The following ZNF469 variants were observed in gnomAD, a reference collection of about 807,000 sequenced individuals.
ZNF469 encodes zinc finger protein 469.
Under a neutral mutation model 1.0 loss-of-function variants are expected in ZNF469, and 1 was observed. The observed-to-expected ratio is 1.00, with a 90% confidence interval of 0.35 to 4.73. The LOEUF is 4.73. ZNF469 is among the 30% of genes most tolerant of loss of function. ZNF469 has a pLI of 0.16. For synonymous variants in ZNF469, 2,703 were observed against 2,363.4 expected (o/e 1.14, Z -4.17); for missense variants, 6,100 against 5,356.3 (o/e 1.14, Z -4.33).
the ZNF469 span, among the ~76,000 whole-genome samples, chr16:88,132,095 C>T: frequency 2.0e-5 from 3 of 152,260 alleles, no homozygotes; most frequent in Non-Finnish European, 2.9e-5. Flanking sequence ...CGTGGCCACT[C>T]TCCTCTCCAT....
At chr16:88,215,385 T>C in the ZNF469 span, among the ~76,000 whole-genome samples, 1 of 126,116 alleles carries the variant, frequency 7.9e-6, no homozygotes, top group Non-Finnish European at 1.6e-5. Flanking sequence ...GCCTTTTAAT[T>C]TTTTTTTTTT....
the ZNF469 span, among the ~76,000 whole-genome samples, chr16:88,246,771 CAGTG>C: frequency 1.0e-4 from 15 of 150,052 alleles, no homozygotes; most frequent in African/African-American, 2.7e-4. Flanking sequence ...GTGAGTGAAT[CAGTG>C]AGTGAGTGAG....
intron 1 of ZNF469, among the ~76,000 whole-genome samples, chr16:88,422,829 TGATG>T (rs1905530390): frequency 7.8e-6 from 1 of 128,378 alleles, no homozygotes; most frequent in Admixed American, 7.6e-5. Context: ...GGTGGGTGGG[TGATG>T]GATGGGTGGA....
the ZNF469 span, among the ~76,000 whole-genome samples, chr16:88,216,874 T>C: frequency 2.0e-5 from 3 of 152,140 alleles, no homozygotes; most frequent in Admixed American, 6.5e-5. Flanking sequence ...TTAAACTGTT[T>C]TCCAGTTTAC....
intron 1 of ZNF469, among the ~76,000 whole-genome samples, chr16:88,399,862 C>G (rs1270427565): frequency 6.6e-6 from 1 of 152,250 alleles, no homozygotes; most frequent in Non-Finnish European, 1.5e-5. Flanking sequence ...GCCCCTCTGC[C>G]AGGTGCTCCT....
In ZNF469 at chr16:88,430,277, C is replaced by G; in HGVS notation, c.2807C>G (p.Ala936Gly). ...TRSLGLAPTE[A>G]DAPSQGRQQR... ...TCCCTGGGTCTGGCCCCCACCGAGG[C>G]GGATGCGCCCAGCCAGGGCAGGCAG... Residue 936 changes from alanine to glycine, a missense_variant, in exon 3 of 3, where the codon GCG becomes GGG. Transcript: ENST00000565624. The G allele has an allele frequency of 6.6e-7, 1 of 1,514,672 alleles. No individual in the cohort carries two copies. The allele number at this position is 1,514,672 out of a possible 1,614,324, so 93.8% of individuals were successfully genotyped here.
the ZNF469 span, chr16:88,294,826 G>C: frequency 6.6e-6 from 1 of 152,482 alleles, no homozygotes; most frequent in African/African-American, 2.4e-5. Flanking sequence ...AGAGAAGACC[G>C]GGATGAGTTT....
At chr16:88,230,986 GGCTGGAACT>G in the ZNF469 span, among the ~76,000 whole-genome samples, 1 of 152,106 alleles carries the variant, frequency 6.6e-6, no homozygotes, top group Non-Finnish European at 1.5e-5. Context: ...CAGGACACAC[GGCTGGAACT>G]CTAAAAGTCC....
chr16:88,345,620 G>A, the ZNF469 span, among the ~76,000 whole-genome samples: 562 of 152,246 alleles, frequency 3.7e-3, 2 homozygotes, highest in Non-Finnish European at 6.7e-3. Context: ...CCCTCTGCCC[G>A]TGGGGTCGCC....
At chr16:88,376,555 C>T in the ZNF469 span, among the ~76,000 whole-genome samples, 1 of 152,372 alleles carries the variant, frequency 6.6e-6, no homozygotes, top group Non-Finnish European at 1.5e-5. Flanking sequence ...CAGCCGCTGG[C>T]TGGGGTTCCC....
chr16:88,202,523 A>G, the ZNF469 span, among the ~76,000 whole-genome samples: 1 of 152,228 alleles, frequency 6.6e-6, no homozygotes, highest in East Asian at 1.9e-4. Flanking sequence ...TCTCTTATCC[A>G]TCATCATTCT....
chr16:88,380,352 T>C (rs1362073673), upstream of ZNF469, among the ~76,000 whole-genome samples: 767 of 61,166 alleles, frequency 0.013, 33 homozygotes, highest in Middle Eastern at 0.028. Flanking sequence ...CTCACACACA[T>C]GCGCTCACAC....
chr16:88,405,978 A>C (rs1017348291), intron 1 of ZNF469, among the ~76,000 whole-genome samples: 2 of 152,212 alleles, frequency 1.3e-5, no homozygotes, highest in Admixed American at 6.5e-5. Flanking sequence ...AACGTGGCTG[A>C]ATTGCTTTTG....
rs1906477338 is a variant in ZNF469, at chr16:88,435,106, C to G, written c.7636C>G (p.Pro2546Ala). The G allele has an allele frequency of 1.9e-6, 3 of 1,550,340 alleles. No individual in the cohort carries two copies. The highest frequency in any genetic ancestry group is 8.7e-7 in the Non-Finnish European group (1 of 1,146,968). ...GAGACCAAATCACTCACGGGGAGAC[C>G]CCAGCCACGTCACCCAGCCACCGCC... The part of the protein sequence containing the change: ...KERPNHSRGD[P>A]SHVTQPPPAQ... The change falls in exon 3 of 3, where the codon CCC becomes GCC. Residue 2546 changes from proline to alanine, a missense_variant. By Grantham distance (27) the Pro-to-Ala change is conservative. Coordinates refer to ENST00000565624, the MANE Select transcript of ZNF469 (RefSeq NM_001367624.2).
chr16:88,409,873 G>T (rs1385049289), intron 1 of ZNF469, among the ~76,000 whole-genome samples: 3 of 149,678 alleles, frequency 2.0e-5, no homozygotes, highest in African/African-American at 7.5e-5. Flanking sequence ...GGCCGGGGGG[G>T]GGGGGGGGGG....
At chr16:88,225,824 G>C in the ZNF469 span, among the ~76,000 whole-genome samples, 35 of 152,216 alleles carry the variant, frequency 2.3e-4, no homozygotes, top group Non-Finnish European at 4.7e-4. Flanking sequence ...TCCAGCTCCA[G>C]AGCTGCCAGC....
chr16:88,233,621 C>T, the ZNF469 span, among the ~76,000 whole-genome samples: 1,318 of 152,324 alleles, frequency 8.7e-3, 11 homozygotes, highest in South Asian at 0.03. Flanking sequence ...GGCTTAGGGC[C>T]GCCTGGGCAT....
chr16:88,428,503 C>T lies in ZNF469; in HGVS notation c.1033C>T (p.Leu345=), dbSNP rs1379570815. ...LPCYQGQPGG[L]NRHSDLSGAL... Reference sequence around the variant, plus strand: ...CTGCTACCAGGGCCAGCCAGGTGGCCTGAACCGCCACAGCGACCTCAGTGG... The same window carrying T: ...CTGCTACCAGGGCCAGCCAGGTGGCTTGAACCGCCACAGCGACCTCAGTGG... Residue 345 remains leucine, a synonymous_variant, in exon 3 of 3, where the codon CTG becomes TTG. Coordinates refer to ENST00000565624, the MANE Select transcript of ZNF469 (RefSeq NM_001367624.2). 24 of 1,549,702 alleles carry T rather than the reference C, an allele frequency of 1.5e-5. No individual in the cohort carries two copies. In the South Asian group the frequency reaches 2.9e-4, roughly 18 times the overall value.
chr16:88,249,423 C>CTTTTTTT, the ZNF469 span, among the ~76,000 whole-genome samples: 573 of 61,478 alleles, frequency 9.3e-3, 19 homozygotes, highest in East Asian at 0.013. Context: ...CTTTCTTTTT[C>CTTTTTTT]TTTTTCTTTT....
Sources: allele counts gnomAD v4.1 joint callset (sites outside exome capture counted in the v4.1 genomes callset), GRCh38; gene constraint gnomAD v4.1.1; transcripts MANE v1.5; gene names NCBI Gene and HGNC (gene_info 2026-07-23, HGNC 2026-07-21).